Variants in SDK1 observed in about 807,000 individuals in gnomAD.
SDK1 encodes the protein sidekick cell adhesion molecule 1.
In SDK1, 157 loss-of-function variants were observed where a neutral mutation model predicts 245.5. The observed-to-expected ratio is 0.64, with a 90% confidence interval of 0.56 to 0.73. The LOEUF is 0.73. SDK1 is among the 30% of genes least tolerant of loss of function. SDK1 has a pLI of 0.00. For missense variants in SDK1, 3,583 were observed against 3,002.3 expected (o/e 1.19, Z -4.52); for synonymous variants, 1,647 against 1,278.5 (o/e 1.29, Z -6.15).
chr7:3,820,499 A>T (rs533005448), intron 4 of SDK1, among the ~76,000 whole-genome samples: 2 of 152,350 alleles, frequency 1.3e-5, no homozygotes, highest in East Asian at 1.9e-4. Context: ...TTAACTGGCA[A>T]AAAGAATACG....
intron 4 of SDK1, among the ~76,000 whole-genome samples, chr7:3,710,656 T>G (rs78033944): frequency 0.029 from 4,360 of 152,306 alleles, 208 homozygotes; most frequent in African/African-American, 0.1. Flanking sequence ...CTCTCGTAAA[T>G]TACTCTTGCC....
intron 4 of SDK1, among the ~76,000 whole-genome samples, chr7:3,802,157 T>C (rs998122457): frequency 6.6e-6 from 1 of 152,164 alleles, no homozygotes; most frequent in Non-Finnish European, 1.5e-5. Context: ...AACCAGGAGA[T>C]TGACACTAGT....
intron 1 of SDK1, among the ~76,000 whole-genome samples, chr7:3,357,435 A>C (rs926827664): frequency 8.1e-5 from 11 of 135,778 alleles, no homozygotes; most frequent in African/African-American, 3.1e-4. Context: ...CTGCAGCCTC[A>C]GTCTCCCTGG....
rs61378554 is a variant in SDK1 at position 3,628,008 on chromosome 7, C to G, written c.458+8769C>G. On this transcript the variant is annotated intron_variant, in intron 2 of 44. Coordinates refer to ENST00000404826, the MANE Select transcript of SDK1 (RefSeq NM_152744.4). ...TTTCTTTCTCAAATCTCTCCCTATT[C>G]AAAGTTAAGGACCAAAGGTACTACT... Among the ~76,000 whole-genome samples the G allele has an allele frequency of 5.2e-3, 790 of 152,296 alleles. 5 individuals carry two copies. The highest frequency in any genetic ancestry group is 0.018 in the African/African-American group (758 of 41,560).
intron 1 of SDK1, among the ~76,000 whole-genome samples, chr7:3,502,735 A>T (rs1197785188): frequency 1.3e-5 from 2 of 152,168 alleles, no homozygotes; most frequent in Non-Finnish European, 2.9e-5. Context: ...GTATTTTGCT[A>T]TGTGTTTACA....
intron 1 of SDK1, among the ~76,000 whole-genome samples, chr7:3,496,788 A>G (rs566928081): frequency 6.6e-6 from 1 of 152,324 alleles, no homozygotes; most frequent in African/African-American, 2.4e-5. Flanking sequence ...AATTTAGTCT[A>G]GTGGAGGTAC....
At position 4,163,724 on chromosome 7, in the gene SDK1, G is replaced by A. The variant is rs1010408143; in HGVS notation, c.4800+1868G>A. ...CTTCCTGGGCATGGTCTTGAGGTGCGTAGTGCTAGAGATGCCAGAGAGGAA... is the reference window on the plus strand; with the variant it reads ...CTTCCTGGGCATGGTCTTGAGGTGCATAGTGCTAGAGATGCCAGAGAGGAA... On this transcript the variant is annotated intron_variant, in intron 32 of 44. Transcript: ENST00000404826. Among the ~76,000 whole-genome samples, 16 of 152,176 alleles carry A rather than the reference G, an allele frequency of 1.1e-4. 1 individual carries two copies. The East Asian group carries it at 1.4e-3, about 13-fold the overall frequency.
At chr7:3,623,241 A>C (rs949411461) in intron 2 of SDK1, among the ~76,000 whole-genome samples, 9 of 117,204 alleles carry the variant, frequency 7.7e-5, no homozygotes, top group Middle Eastern at 4.9e-3. Flanking sequence ...CAAGTGTTGT[A>C]TTTCTTTTTT....
intron 1 of SDK1, among the ~76,000 whole-genome samples, chr7:3,321,693 TCTCCTC>T (rs200316806): frequency 0.085 from 11,562 of 136,640 alleles, 892 homozygotes; most frequent in African/African-American, 0.14. Context: ...CCTTCTTCCT[TCTCCTC>T]CTCCTCCTCC....
At chr7:3,367,635 G>T (rs771793589) in intron 1 of SDK1, among the ~76,000 whole-genome samples, 1 of 152,100 alleles carries the variant, frequency 6.6e-6, no homozygotes, top group African/African-American at 2.4e-5. Context: ...GGACAGATTT[G>T]CTCTGGGTGC....
intron 14 of SDK1, among the ~76,000 whole-genome samples, chr7:3,991,552 C>G (rs1307377097): frequency 6.6e-6 from 1 of 152,178 alleles, no homozygotes; most frequent in African/African-American, 2.4e-5. Context: ...CTGGCACACA[C>G]AAGATGGCTC....
At chr7:3,371,043 C>T (rs1244717350) in intron 1 of SDK1, among the ~76,000 whole-genome samples, 3 of 152,162 alleles carry the variant, frequency 2.0e-5, no homozygotes, top group Non-Finnish European at 4.4e-5. Flanking sequence ...GGAGGAAGAG[C>T]CGTGCATCCC....
At position 3,793,458 on chromosome 7, in the gene SDK1, C is replaced by T. The variant is rs144129400; in HGVS notation, c.714-27992C>T. On this transcript the variant is annotated intron_variant, in intron 4 of 44. Coordinates refer to ENST00000404826, the MANE Select transcript of SDK1 (RefSeq NM_152744.4). The stretch of plus-strand genomic sequence containing the variant: ...CGCTGAATATTTCAGTGCACAATGA[C>T]GGTGGCTTTCAGCTCATGAAAGGCT... 3.2e-3 allele frequency among the ~76,000 whole-genome samples: 482 copies of T among 152,256 alleles called. 4 individuals are homozygous for T. Among genetic ancestry groups the T allele is most frequent in the African/African-American group, 0.011 (449 of 41,568 alleles).
At chr7:4,217,480 GCCACCCGGAGCACCACA>G (rs1180647546) in intron 38 of SDK1, among the ~76,000 whole-genome samples, 2,078 of 71,682 alleles carry the variant, frequency 0.029, 117 homozygotes, top group East Asian at 0.14. Flanking sequence ...GGAGCACCAG[GCCACCCGGAGCACCACA>G]CCACCCGGAG....
intron 4 of SDK1, among the ~76,000 whole-genome samples, chr7:3,678,186 A>G (rs377084864): frequency 6.6e-6 from 1 of 152,220 alleles, no homozygotes; most frequent in Admixed American, 6.5e-5. Flanking sequence ...GCTGGTGGAA[A>G]TGTAAAATGG....
At chr7:4,198,509 G>A (rs1783708946) in intron 35 of SDK1, among the ~76,000 whole-genome samples, 1 of 152,216 alleles carries the variant, frequency 6.6e-6, no homozygotes, top group African/African-American at 2.4e-5. Context: ...CAGCGGCCAA[G>A]CCTAGCCCAT....
intron 4 of SDK1, among the ~76,000 whole-genome samples, chr7:3,781,986 G>C (rs1780759853): frequency 6.6e-6 from 1 of 152,152 alleles, no homozygotes; most frequent in South Asian, 2.1e-4. Flanking sequence ...AAAAGCACCA[G>C]AAACTATATT....
At chr7:3,809,973 C>A (rs1779346359) in intron 4 of SDK1, among the ~76,000 whole-genome samples, 1 of 152,232 alleles carries the variant, frequency 6.6e-6, no homozygotes, top group African/African-American at 2.4e-5. Flanking sequence ...CGGACACCGA[C>A]AGCCATGCAC....
intron 1 of SDK1, among the ~76,000 whole-genome samples, chr7:3,582,149 G>A (rs981289112): frequency 1.3e-5 from 2 of 149,826 alleles, no homozygotes; most frequent in African/African-American, 2.5e-5. Context: ...CCTCAGGTAG[G>A]CCTGTCTCAG....
Sources: gnomAD v4.1 joint callset for allele counts (sites outside exome capture counted in the v4.1 genomes callset) on GRCh38, gnomAD v4.1.1 for gene constraint, MANE v1.5 for transcripts, NCBI Gene and HGNC (gene_info 2026-07-23, HGNC 2026-07-21) for gene names.